KCNN2: variants seen among roughly 807,000 people sequenced by gnomAD.
KCNN2 encodes small conductance calcium-activated potassium channel protein 2.
In KCNN2, 24 loss-of-function variants were observed where a neutral mutation model predicts 55.5. The observed-to-expected ratio is 0.43, with a 90% CI of 0.31 to 0.61. The LOEUF is 0.61. Ranked by LOEUF, KCNN2 falls within the 20% of genes least tolerant of loss-of-function variation. KCNN2 has a pLI of 0.08. For missense variants in KCNN2, 754 were observed against 853.6 expected (o/e 0.88, Z 1.45); for synonymous variants, 431 against 336.1 (o/e 1.28, Z -3.09).
intron 2 of KCNN2, among the ~76,000 whole-genome samples, chr5:114,264,536 G>A (rs1755170513): frequency 6.6e-6 from 1 of 152,290 alleles, no homozygotes; most frequent in East Asian, 1.9e-4. Flanking sequence ...TGAGAGCACA[G>A]AGGAAGCCCC....
intron 2 of KCNN2, among the ~76,000 whole-genome samples, chr5:114,383,012 T>G (rs1758172168): frequency 6.6e-6 from 1 of 152,202 alleles, no homozygotes; most frequent in African/African-American, 2.4e-5. Context: ...TTAATATGTG[T>G]CAATTAAAAA....
At chr5:114,249,215 A>G (rs1048799229) in intron 2 of KCNN2, among the ~76,000 whole-genome samples, 9 of 152,094 alleles carry the variant, frequency 5.9e-5, no homozygotes, top group East Asian at 1.9e-4. Context: ...AGTTCTGTAG[A>G]CCACATTTGT....
chr5:114,289,045 T>C (rs1367692219), intron 2 of KCNN2, among the ~76,000 whole-genome samples: 2 of 152,198 alleles, frequency 1.3e-5, no homozygotes, highest in Non-Finnish European at 2.9e-5. Context: ...AGGCACAACT[T>C]CATTCCCTTG....
At chr5:114,327,456 C>T (rs1756734251) in intron 2 of KCNN2, among the ~76,000 whole-genome samples, 2 of 152,142 alleles carry the variant, frequency 1.3e-5, no homozygotes, top group African/African-American at 4.8e-5. Context: ...GTCATAATTA[C>T]ATCACTTCAA....
intron 1 of KCNN2, among the ~76,000 whole-genome samples, chr5:114,127,313 C>T (rs1338745182): frequency 6.6e-6 from 1 of 152,198 alleles, no homozygotes; most frequent in African/African-American, 2.4e-5. Flanking sequence ...AGACTTCTGC[C>T]TGAACATGCA....
At position 114,459,572 on chromosome 5, in the gene KCNN2, G is replaced by A. The variant is rs562422443; in HGVS notation, c.1638-3477G>A. Among the ~76,000 whole-genome samples, 34 of 151,854 alleles carry A rather than the reference G, an allele frequency of 2.2e-4. No homozygotes were observed. In the South Asian group the frequency reaches 7.1e-3, roughly 32 times the overall value. On this transcript the variant is annotated intron_variant, in intron 3 of 7. Transcript: ENST00000673685. Reference sequence around the variant, plus strand: ...CTGAGTTGCTGAAAAACAAAATAGGGGATTATTCTAATAGTATCTAATTTG... The same window carrying A: ...CTGAGTTGCTGAAAAACAAAATAGGAGATTATTCTAATAGTATCTAATTTG...
intron 2 of KCNN2, among the ~76,000 whole-genome samples, chr5:114,383,946 T>C (rs1015033742): frequency 6.6e-6 from 1 of 152,254 alleles, no homozygotes; most frequent in South Asian, 2.1e-4. Context: ...ATCATGTGCC[T>C]ACTGAGAACA....
chr5:114,469,824 A>AAAT (rs1014221087), intron 4 of KCNN2, among the ~76,000 whole-genome samples: 2 of 152,160 alleles, frequency 1.3e-5, no homozygotes, highest in Admixed American at 1.3e-4. Context: ...AAAAATTAAA[A>AAAT]AATAAAGGTT....
intron 2 of KCNN2, among the ~76,000 whole-genome samples, chr5:114,311,668 C>A (rs1461233247): frequency 6.6e-6 from 1 of 151,986 alleles, no homozygotes; most frequent in Admixed American, 6.6e-5. Flanking sequence ...GAGCTAGGTG[C>A]CATTTACCTA....
At chr5:114,125,417 C>A (rs1437972714) in intron 1 of KCNN2, among the ~76,000 whole-genome samples, 1 of 152,152 alleles carries the variant, frequency 6.6e-6, no homozygotes, top group Non-Finnish European at 1.5e-5. Context: ...TAATCAGCAT[C>A]ATTGGTATAA....
intron 1 of KCNN2, among the ~76,000 whole-genome samples, chr5:114,141,316 T>C (rs1470041713): frequency 5.3e-5 from 8 of 152,102 alleles, no homozygotes; most frequent in Non-Finnish European, 7.4e-5. Flanking sequence ...TGTGTGATGT[T>C]CCCCTTCCTG....
intron 2 of KCNN2, among the ~76,000 whole-genome samples, chr5:114,259,522 C>T (rs1025817273): frequency 2.6e-5 from 4 of 152,102 alleles, no homozygotes; most frequent in African/African-American, 4.8e-5. Flanking sequence ...GTCCTCAAAT[C>T]GACCAGTTAA....
intron 2 of KCNN2, among the ~76,000 whole-genome samples, chr5:114,402,033 G>C (rs1277025601): frequency 1.3e-5 from 2 of 152,186 alleles, no homozygotes; most frequent in African/African-American, 4.8e-5. Flanking sequence ...GAAGTATAGA[G>C]TGAGAGAAAA....
intron 2 of KCNN2, among the ~76,000 whole-genome samples, chr5:114,289,854 A>G (rs1478577372): frequency 6.6e-6 from 1 of 152,100 alleles, no homozygotes; most frequent in Non-Finnish European, 1.5e-5. Flanking sequence ...ATGTCCTACA[A>G]TTTTCAGTGT....
intron 2 of KCNN2, among the ~76,000 whole-genome samples, chr5:114,270,512 CTG>C (rs1430433474): frequency 6.6e-6 from 1 of 152,156 alleles, no homozygotes; most frequent in Non-Finnish European, 1.5e-5. Context: ...TTGGGATTCT[CTG>C]TGCATGTCAA....
At chr5:114,062,803 G>A (rs1750359910) in intron 1 of KCNN2, among the ~76,000 whole-genome samples, 1 of 152,110 alleles carries the variant, frequency 6.6e-6, no homozygotes, top group African/African-American at 2.4e-5. Context: ...AATATAAACA[G>A]GTAAGTCCTT....
At chr5:114,466,811 A>T (rs1004692841) in intron 4 of KCNN2, among the ~76,000 whole-genome samples, 1 of 152,154 alleles carries the variant, frequency 6.6e-6, no homozygotes, top group African/African-American at 2.4e-5. Flanking sequence ...GACTTTGACA[A>T]CATCTAGCAT....
chr5:114,486,584 T>C (rs770005235), intron 5 of KCNN2: 1 of 391,156 alleles, frequency 2.6e-6, no homozygotes, highest in Non-Finnish European at 4.7e-6. Flanking sequence ...CTGGATGTAC[T>C]TATACATTCA....
chr5:114,299,012 C>G (rs1190203086), intron 2 of KCNN2, among the ~76,000 whole-genome samples: 6 of 152,086 alleles, frequency 3.9e-5, no homozygotes, highest in Admixed American at 3.9e-4. Context: ...AGTAATTAAC[C>G]CAGTATTGGG....
Sources: gnomAD v4.1 joint callset for allele counts (sites outside exome capture counted in the v4.1 genomes callset) on GRCh38, gnomAD v4.1.1 for gene constraint, MANE v1.5 for transcripts, NCBI Gene and HGNC (gene_info 2026-07-23, HGNC 2026-07-21) for gene names.